EMC3: variants seen among roughly 807,000 people sequenced by gnomAD.
EMC3 encodes the protein ER membrane protein complex subunit 3.
A neutral mutation model predicts 36.6 loss-of-function variants in EMC3; 13 were observed. The ratio of observed to expected loss-of-function variants is 0.35; its 90% CI spans 0.23 to 0.56. The LOEUF (loss-of-function observed/expected upper bound fraction) is 0.56, where lower values mean the gene tolerates loss of function less well. EMC3 is among the 20% of genes least tolerant of loss of function. The pLI is 0.84. For synonymous variants in EMC3, 120 were observed against 111.9 expected, an observed-to-expected ratio of 1.07 and a Z score of -0.46; for missense variants, 220 against 324.5, an observed-to-expected ratio of 0.68 and a Z score of 2.47.
chr3:9,986,919 A>G (rs2085981696), upstream of EMC3: 9 of 1,275,146 alleles, frequency 7.1e-6, no homozygotes, highest in Admixed American at 6.9e-5. Flanking sequence ...GGAAAGTGGA[A>G]AACTATCGGC....
chr3:9,969,935 A>T lies in EMC3; in HGVS notation c.575-134T>A, dbSNP rs188195706. The T allele has an allele frequency of 5.3e-5, 74 of 1,405,454 alleles. No homozygotes were observed. In the African/African-American group the frequency reaches 1.1e-3, roughly 20 times the overall value. 87.1% of individuals were successfully genotyped at this position (1,405,454 alleles called of 1,614,324 possible). Reference sequence around the variant, plus strand: ...TGGCTGGCCCTGTCACCCACTGGCTATGTGACTCTAGGAAAGTCACTTTGT... The same window carrying T: ...TGGCTGGCCCTGTCACCCACTGGCTTTGTGACTCTAGGAAAGTCACTTTGT... On this transcript the variant is annotated intron_variant, in intron 6 of 7. Coordinates refer to ENST00000245046, the MANE Select transcript of EMC3 (RefSeq NM_001394674.1).
chr3:10,005,971 C>T (rs1034381333), intron 1 of EMC3, among the ~76,000 whole-genome samples: 3 of 152,222 alleles, frequency 2.0e-5, no homozygotes, highest in African/African-American at 7.2e-5. Context: ...CAGCTTTTAA[C>T]GTTCAGCCTC....
At chr3:9,995,809 TG>T (rs1256459360) in intron 1 of EMC3, among the ~76,000 whole-genome samples, 1 of 152,142 alleles carries the variant, frequency 6.6e-6, no homozygotes, top group Admixed American at 6.5e-5. Context: ...GGCTGATTTT[TG>T]TATTTTTAGT....
At chr3:9,993,873 A>G (rs7614810) in intron 1 of EMC3, among the ~76,000 whole-genome samples, 34,485 of 126,904 alleles carry the variant, frequency 0.27, 4,468 homozygotes, top group African/African-American at 0.41. Flanking sequence ...GTGTGATTGC[A>G]TGAGGAAACC....
At position 9,974,279 on chromosome 3, in the gene EMC3, A is replaced by G. The variant is rs539814214; in HGVS notation, c.412+105T>C. On this transcript the variant is annotated intron_variant, in intron 4 of 7. Coordinates refer to ENST00000245046, the MANE Select transcript of EMC3 (RefSeq NM_001394674.1). ...CACATATTAAATTTTTTGTTCAAGGACTATTATCAGTTTACAAAAGAAAAC... is the reference window on the plus strand; with the variant it reads ...CACATATTAAATTTTTTGTTCAAGGGCTATTATCAGTTTACAAAAGAAAAC... The G allele has an allele frequency of 4.1e-5, 31 of 764,282 alleles. No homozygotes were observed. In the African/African-American group the frequency reaches 4.4e-4, roughly 11 times the overall value. 47.3% of individuals were successfully genotyped at this position (764,282 alleles called of 1,614,324 possible). A position where few individuals can be genotyped will look rare whatever the true frequency, so the allele number is the denominator to read the frequency against.
At chr3:10,002,303 T>TG (rs1335633229) in intron 1 of EMC3, among the ~76,000 whole-genome samples, 6 of 151,922 alleles carry the variant, frequency 3.9e-5, no homozygotes, top group African/African-American at 1.2e-4. Context: ...TTTTATTTTA[T>TG]TTTGAGATAG....
intron 7 of EMC3, among the ~76,000 whole-genome samples, chr3:9,968,046 C>T (rs1448071831): frequency 3.3e-5 from 5 of 152,070 alleles, no homozygotes; most frequent in Non-Finnish European, 4.4e-5. Flanking sequence ...CTCAGCCTCC[C>T]GAGTAGCTGG....
At chr3:9,990,044 A>G (rs886806068), upstream of EMC3, among the ~76,000 whole-genome samples, 3 of 148,522 alleles carry the variant, frequency 2.0e-5, no homozygotes, top group Non-Finnish European at 4.4e-5. Context: ...TTTTTGAGAC[A>G]GAGTCTTGCT....
intron 1 of EMC3, among the ~76,000 whole-genome samples, chr3:9,980,475 C>T (rs1405686628): frequency 2.0e-5 from 3 of 151,656 alleles, no homozygotes; most frequent in African/African-American, 7.3e-5. Flanking sequence ...AAGTGATCCT[C>T]CCATCTTAGT....
intron 7 of EMC3, among the ~76,000 whole-genome samples, chr3:9,968,200 G>A (rs1478111329): frequency 3.9e-5 from 6 of 152,260 alleles, no homozygotes; most frequent in Middle Eastern, 6.8e-3. Context: ...GATTACAGGC[G>A]TTAACCACCA....
chr3:9,963,922 G>A lies in EMC3; in HGVS notation c.*147C>T, dbSNP rs1172385315. The A allele has an allele frequency of 1.5e-5, 20 of 1,358,922 alleles. No individual in the cohort carries two copies. The African/African-American group carries it at 2.0e-4, about 14-fold the overall frequency. 84.2% of individuals were successfully genotyped at this position (1,358,922 alleles called of 1,614,324 possible). On this transcript the variant is annotated 3_prime_UTR_variant, in exon 8 of 8. Transcript: ENST00000245046. ...TTCCTCTAGTTTCAAACATAAAGGG[G>A]AACCCAGCCCAGACAAGAACAAGCC...
rs1391660072 is a variant in EMC3, at chr3:9,963,474, TA to T, written c.*594del. The T allele has an allele frequency of 3.4e-4, 38 of 112,412 alleles. No homozygotes were observed. The highest frequency in any genetic ancestry group is 1.2e-3 in the East Asian group (6 of 4,806). 7.0% of individuals were successfully genotyped at this position (112,412 alleles called of 1,614,324 possible). On this transcript the variant is annotated 3_prime_UTR_variant, in exon 8 of 8. Coordinates refer to ENST00000245046, the MANE Select transcript of EMC3 (RefSeq NM_001394674.1). ...AGATAGATATATATATATATATATA[TA>T]TATTTTTTTTTTTTTTTCAGATGGA...
At position 9,977,771 on chromosome 3, in the gene EMC3, T is replaced by C. The variant is rs115923110; in HGVS notation, c.156-325A>G. Among the ~76,000 whole-genome samples, 414 of 152,212 alleles carry C rather than the reference T, an allele frequency of 2.7e-3. 2 individuals are homozygous for C. The highest frequency in any genetic ancestry group is 9.5e-3 in the African/African-American group (396 of 41,528). On this transcript the variant is annotated intron_variant, in intron 1 of 7. Transcript: ENST00000245046. Reference sequence around the variant, plus strand: ...AGACACTTTCTCTGAGTGAAAAGAATAGTTGAACACTGCTCAGGAGATCTG... The same window carrying C: ...AGACACTTTCTCTGAGTGAAAAGAACAGTTGAACACTGCTCAGGAGATCTG...
Position 9,963,821 on chromosome 3 carries a change from G to C in EMC3, c.*248C>G, listed in dbSNP as rs1255235429. ...TAGCCTGAGGTTTCCCCCTTTCTCT[G>C]ACTTTCATTACTAGAGTCACCAGAA... On this transcript the variant is annotated 3_prime_UTR_variant, in exon 8 of 8. Coordinates refer to ENST00000245046, the MANE Select transcript of EMC3 (RefSeq NM_001394674.1). 1 of 417,310 alleles carries C rather than the reference G, an allele frequency of 2.4e-6. No individual in the cohort carries two copies. Among genetic ancestry groups the C allele is most frequent in the Admixed American group, 4.3e-5 (1 of 23,200 alleles). The allele number at this position is 417,310 out of a possible 1,614,324, so 25.9% of individuals were successfully genotyped here. A position where few individuals can be genotyped will look rare whatever the true frequency, so the allele number is the denominator to read the frequency against.
upstream of EMC3, among the ~76,000 whole-genome samples, chr3:9,989,815 G>A (rs1375080849): frequency 6.6e-6 from 1 of 151,894 alleles, no homozygotes; most frequent in Non-Finnish European, 1.5e-5. Context: ...TCTTCTCCAT[G>A]TGCTTCTGCT....
intron 7 of EMC3, 174 bp downstream of exon 7, chr3:9,969,545 A>G (rs1292680717): frequency 3.3e-6 from 5 of 1,494,960 alleles, no homozygotes; most frequent in Non-Finnish European, 4.4e-6. Context: ...ATTTCCATTT[A>G]CTTAATAGAT....
chr3:10,006,100 C>G (rs1575707073), intron 1 of EMC3, among the ~76,000 whole-genome samples: 1 of 152,170 alleles, frequency 6.6e-6, no homozygotes, highest in East Asian at 1.9e-4. Flanking sequence ...CAGCATGACC[C>G]TATTGTCTCC....
intron 1 of EMC3, among the ~76,000 whole-genome samples, chr3:9,978,689 G>A (rs1171325770): frequency 6.6e-6 from 1 of 151,976 alleles, no homozygotes; most frequent in East Asian, 1.9e-4. Flanking sequence ...AATTAGCCGG[G>A]TGTGGTGGCC....
chr3:9,964,744 G>T (rs1274426581), intron 7 of EMC3, among the ~76,000 whole-genome samples: 2 of 152,198 alleles, frequency 1.3e-5, no homozygotes, highest in Non-Finnish European at 2.9e-5. Context: ...ATTACAGTTT[G>T]TGGGAGTCCA....
Sources: gnomAD v4.1 joint callset for allele counts (sites outside exome capture counted in the v4.1 genomes callset) on GRCh38, gnomAD v4.1.1 for gene constraint, MANE v1.5 for transcripts, NCBI Gene and HGNC (gene_info 2026-07-23, HGNC 2026-07-21) for gene names.